SMIM13: variants seen among roughly 807,000 people sequenced by gnomAD.
The protein encoded by SMIM13 is small integral membrane protein 13, also known as UPF0766 protein C6orf228.
SMIM13 carries 3 observed loss-of-function variants against 5.9 expected under a neutral mutation model. That is an observed-to-expected ratio of 0.51 (90% CI 0.23 to 1.31). The LOEUF is 1.31. SMIM13 is among the 40% of genes most tolerant of loss of function. SMIM13 has a pLI of 0.18. For synonymous variants in SMIM13, 55 were observed against 46.0 expected (o/e 1.19, Z -0.79); for missense variants, 85 against 109.9 (o/e 0.77, Z 1.01).
At chr6:11,129,286 G>T (rs114338837) in intron 1 of SMIM13, among the ~76,000 whole-genome samples, 141 of 152,278 alleles carry the variant, frequency 9.3e-4, no homozygotes, top group African/African-American at 3.3e-3. Context: ...TGTGATATTT[G>T]TCTTTCTGTG....
rs998360745 is a variant in SMIM13 at position 11,127,613 on chromosome 6, G to A, written c.77-6790G>A. ...GAGCAAGTCCTGTCTTACACGGATG[G>A]CAGCAGGCAAAGAGAGAATGAGGAA... On this transcript the variant is annotated intron_variant, in intron 1 of 1. Coordinates refer to ENST00000416247, the MANE Select transcript of SMIM13 (RefSeq NM_001135575.2). Among the ~76,000 whole-genome samples, 3 of 152,186 alleles carry A rather than the reference G, an allele frequency of 2.0e-5. No homozygotes were observed. In the South Asian group the frequency reaches 6.2e-4, roughly 32 times the overall value.
chr6:11,134,911 G>C lies in SMIM13; in HGVS notation c.*309G>C, dbSNP rs1758499917. ...TTAAAGGCTTGAAAAACCATATTTT[G>C]TTAGCCCTAAAATGTACATTTTTCT... is the stretch of plus-strand genomic sequence containing the variant. On this transcript the variant is annotated 3_prime_UTR_variant, in exon 2 of 2. Transcript: ENST00000416247. 5.3e-6 allele frequency: 1 copy of C among 189,118 alleles called. No homozygotes were observed. The highest frequency in any genetic ancestry group is 1.2e-4 in the East Asian group (1 of 8,074). The allele number at this position is 189,118 out of a possible 1,614,324, so 11.7% of individuals were successfully genotyped here. A position where few individuals can be genotyped will look rare whatever the true frequency, so the allele number is the denominator to read the frequency against.
intron 1 of SMIM13, among the ~76,000 whole-genome samples, chr6:11,130,041 C>A (rs919852618): frequency 3.9e-5 from 6 of 152,080 alleles, no homozygotes; most frequent in Non-Finnish European, 8.8e-5. Context: ...TCAGATCTTA[C>A]TAGTCCTAAG....
At chr6:11,100,371 A>G (rs1463143646) in intron 1 of SMIM13, among the ~76,000 whole-genome samples, 1 of 152,112 alleles carries the variant, frequency 6.6e-6, no homozygotes, top group Non-Finnish European at 1.5e-5. Context: ...ACTTTGGTAC[A>G]TTGTTATGTG....
chr6:11,118,102 C>T (rs1281297000), intron 1 of SMIM13, among the ~76,000 whole-genome samples: 4 of 152,212 alleles, frequency 2.6e-5, no homozygotes, highest in African/African-American at 9.7e-5. Flanking sequence ...AACTCCTGAC[C>T]TCAGGTCATC....
chr6:11,097,353 CT>C (rs1757938878), intron 1 of SMIM13, among the ~76,000 whole-genome samples: 1 of 152,130 alleles, frequency 6.6e-6, no homozygotes, highest in Non-Finnish European at 1.5e-5. Context: ...TTAATTACCT[CT>C]TTAAAAATCT....
intron 1 of SMIM13, chr6:11,105,400 G>T: frequency 1.0e-6 from 1 of 956,836 alleles, no homozygotes; most frequent in Non-Finnish European, 1.6e-6. Context: ...ATAACAATCA[G>T]AGCAATTGCC....
rs1012587323 is a variant in SMIM13, at chr6:11,138,648, CTG to C, written c.*4047_*4048del. 1.3e-5 allele frequency: 2 copies of C among 152,024 alleles called. No homozygotes were observed. Among genetic ancestry groups the C allele is most frequent in the East Asian group, 3.9e-4 (2 of 5,180 alleles). The allele number at this position is 152,024 out of a possible 1,614,324, so 9.4% of individuals were successfully genotyped here. A position where few individuals can be genotyped will look rare whatever the true frequency, so the allele number is the denominator to read the frequency against. ...ATCATTCACTGTTTTTGTTTTAAAA[CTG>C]GTCAGTACTATGAAGCTTCTGTGGT... On this transcript the variant is annotated 3_prime_UTR_variant, in exon 2 of 2. Coordinates refer to ENST00000416247, the MANE Select transcript of SMIM13 (RefSeq NM_001135575.2).
chr6:11,119,995 A>T (rs1318217244), intron 1 of SMIM13, among the ~76,000 whole-genome samples: 1 of 152,180 alleles, frequency 6.6e-6, no homozygotes, highest in Non-Finnish European at 1.5e-5. Flanking sequence ...TAGGATTTGG[A>T]CATACTGTCT....
At chr6:11,099,210 C>T (rs2113637590) in intron 1 of SMIM13, among the ~76,000 whole-genome samples, 1 of 152,086 alleles carries the variant, frequency 6.6e-6, no homozygotes, top group East Asian at 1.9e-4. Context: ...GAGTCTAGCT[C>T]TGTCGCCAGG....
intron 1 of SMIM13, among the ~76,000 whole-genome samples, chr6:11,113,277 A>G (rs1387009942): frequency 6.6e-6 from 1 of 152,246 alleles, no homozygotes; most frequent in Non-Finnish European, 1.5e-5. Context: ...GTTACTCCGC[A>G]TCCATCACCA....
At chr6:11,110,558 G>A (rs2113650208) in intron 1 of SMIM13, among the ~76,000 whole-genome samples, 1 of 152,290 alleles carries the variant, frequency 6.6e-6, no homozygotes, top group South Asian at 2.1e-4. Context: ...ATTGAGAAGG[G>A]CCTGGAGGTG....
intron 1 of SMIM13, among the ~76,000 whole-genome samples, chr6:11,125,489 G>A (rs914420933): frequency 6.6e-6 from 1 of 152,050 alleles, no homozygotes; most frequent in African/African-American, 2.4e-5. Flanking sequence ...TCAGCTACTC[G>A]GGAGTCTGAG....
Position 11,094,335 on chromosome 6 carries a change from ACT to A in SMIM13, c.25_26del (p.Leu9AlafsTer47), listed in dbSNP as rs1757893416. MWHSVGL[T>X]LLVFVATLLI... ...CAAGATGTGGCACAGCGTCGGGCTGACTCTGCTTGTGTTCGTGGCCACGCTGC... is the reference window on the plus strand; with the variant it reads ...CAAGATGTGGCACAGCGTCGGGCTGACTGCTTGTGTTCGTGGCCACGCTGC... On this transcript the variant is annotated frameshift_variant, in exon 1 of 2. Coordinates refer to ENST00000416247, the MANE Select transcript of SMIM13 (RefSeq NM_001135575.2). LOFTEE classifies it high-confidence loss of function. 2 of 1,531,262 alleles carry A rather than the reference ACT, an allele frequency of 1.3e-6. No individual in the cohort carries two copies. Among genetic ancestry groups the A allele is most frequent in the Non-Finnish European group, 1.8e-6 (2 of 1,140,772 alleles). The allele number at this position is 1,531,262 out of a possible 1,614,324, so 94.9% of individuals were successfully genotyped here.
intron 1 of SMIM13, among the ~76,000 whole-genome samples, chr6:11,119,907 A>T (rs1203387705): frequency 6.6e-6 from 1 of 152,222 alleles, no homozygotes; most frequent in Non-Finnish European, 1.5e-5. Context: ...CTAGTGTGTC[A>T]TTGAGAAAGG....
chr6:11,094,437 G>C (rs1442789694), intron 1 of SMIM13, 48 bp downstream of exon 1: 3 of 1,405,154 alleles, frequency 2.1e-6, no homozygotes, highest in East Asian at 2.5e-5. Context: ...CCGGGTCGCT[G>C]ATCTGCTGGG....
At chr6:11,098,788 A>G (rs1011539906) in intron 1 of SMIM13, among the ~76,000 whole-genome samples, 3 of 152,248 alleles carry the variant, frequency 2.0e-5, no homozygotes, top group Admixed American at 6.5e-5. Flanking sequence ...TCTTCCTACC[A>G]CAGTGGCTAT....
In SMIM13 at chr6:11,094,400, G is replaced by GCCT. The variant is rs1167291131; in HGVS notation, c.76+12_76+13insCTC. The stretch of plus-strand genomic sequence containing the variant: ...TGCTGATGGTGTGCGGTGAGTGGGG[G>GCCT]CGGTAGCCGCGAGGCAGTTCCACAC... On this transcript the variant is annotated intron_variant, in intron 1 of 1. Coordinates refer to ENST00000416247, the MANE Select transcript of SMIM13 (RefSeq NM_001135575.2). The GCCT allele has an allele frequency of 4.8e-5, 73 of 1,533,036 alleles. No individual in the cohort carries two copies. In the Admixed American group the frequency reaches 8.5e-4, roughly 18 times the overall value. The allele number at this position is 1,533,036 out of a possible 1,614,324, so 95.0% of individuals were successfully genotyped here.
At chr6:11,097,389 C>G (rs1199533977) in intron 1 of SMIM13, among the ~76,000 whole-genome samples, 2 of 152,146 alleles carry the variant, frequency 1.3e-5, no homozygotes, top group Non-Finnish European at 2.9e-5. Flanking sequence ...GGCATGGCGG[C>G]CCATGCCTGT....
Sources: gnomAD v4.1 joint callset for allele counts (sites outside exome capture counted in the v4.1 genomes callset) on GRCh38, gnomAD v4.1.1 for gene constraint, MANE v1.5 for transcripts, NCBI Gene and HGNC (gene_info 2026-07-23, HGNC 2026-07-21) for gene names.